IMMP1L: variants seen among roughly 807,000 people sequenced by gnomAD.
IMMP1L encodes inner mitochondrial membrane peptidase subunit 1, also known as mitochondrial inner membrane protease subunit 1.
Under a neutral mutation model 21.8 loss-of-function variants are expected in IMMP1L, and 24 were observed. That is an observed-to-expected ratio of 1.10 (90% CI 0.80 to 1.55). The LOEUF (loss-of-function observed/expected upper bound fraction) is 1.55, where lower values mean the gene tolerates loss of function less well. Among genes scored for constraint, IMMP1L ranks in the 40% most tolerant of loss-of-function variants. IMMP1L has a pLI of 0.00. For missense variants in IMMP1L, 195 were observed against 200.7 expected, an observed-to-expected ratio of 0.97 and a Z score of 0.17; for synonymous variants, 46 against 62.8, an observed-to-expected ratio of 0.73 and a Z score of 1.26.
chr11:31,497,618 C>T (rs753239920), intron 1 of IMMP1L, among the ~76,000 whole-genome samples: 8 of 152,074 alleles, frequency 5.3e-5, no homozygotes, highest in South Asian at 2.1e-4. Flanking sequence ...CGCGCTACCA[C>T]GCCCAGCTAA....
chr11:31,459,129 A>C (rs560345542), intron 3 of IMMP1L, among the ~76,000 whole-genome samples: 1 of 152,320 alleles, frequency 6.6e-6, no homozygotes, highest in Admixed American at 6.5e-5. Context: ...CTGTATCTAC[A>C]ATTAAGTATA....
intron 1 of IMMP1L, among the ~76,000 whole-genome samples, chr11:31,507,885 G>C (rs1955826189): frequency 6.6e-6 from 1 of 152,154 alleles, no homozygotes; most frequent in African/African-American, 2.4e-5. Context: ...TAATTAGCTA[G>C]ATTTAACGAT....
At position 31,456,388 on chromosome 11, in the gene IMMP1L, T is replaced by C. The variant is rs1953938876; in HGVS notation, c.195-2A>G. On this transcript the variant is annotated splice_acceptor_variant, in intron 3 of 5. Transcript: ENST00000532287. LOFTEE classifies it high-confidence loss of function. ...CTTTTTGCAATCACAATGTCACCTC[T>C]GAGGGGGAAAAGTCAAAGAAATGTC... 6.2e-7 allele frequency: 1 copy of C among 1,609,064 alleles called. No individual in the cohort carries two copies. The highest frequency in any genetic ancestry group is 1.7e-4 in the Middle Eastern group (1 of 6,044).
At chr11:31,497,763 C>G (rs757393122) in intron 1 of IMMP1L, among the ~76,000 whole-genome samples, 1 of 152,128 alleles carries the variant, frequency 6.6e-6, no homozygotes, top group Non-Finnish European at 1.5e-5. Flanking sequence ...TACAATATTT[C>G]TTCTTGAATG....
chr11:31,509,054 A>G (rs529426528), intron 1 of IMMP1L, among the ~76,000 whole-genome samples: 1 of 152,372 alleles, frequency 6.6e-6, no homozygotes, highest in South Asian at 2.1e-4. Context: ...TGTCATTTAC[A>G]CCGCTTAGGA....
At chr11:31,453,428 T>C (rs934626008) in intron 4 of IMMP1L, among the ~76,000 whole-genome samples, 1 of 152,222 alleles carries the variant, frequency 6.6e-6, no homozygotes, top group African/African-American at 2.4e-5. Flanking sequence ...TCAATCAAGA[T>C]ATGAATAGCA....
At position 31,509,545 on chromosome 11, in the gene IMMP1L, C is replaced by T. The variant is rs1955928698; in HGVS notation, c.-56G>A. 1.8e-6 allele frequency: 1 copy of T among 568,408 alleles called. No individual in the cohort carries two copies. The allele number at this position is 568,408 out of a possible 1,614,324, so 35.2% of individuals were successfully genotyped here. A position where few individuals can be genotyped will look rare whatever the true frequency, so the allele number is the denominator to read the frequency against. ...TCGGGCCCCAAAGAACCCTGGAGAC[C>T]CTCAACCAGGACACAGGTGGGCCTT... On this transcript the variant is annotated 5_prime_UTR_variant, in exon 1 of 6. Transcript: ENST00000532287.
chr11:31,474,247 C>G (rs1469187368), intron 1 of IMMP1L, among the ~76,000 whole-genome samples: 1 of 152,070 alleles, frequency 6.6e-6, no homozygotes, highest in Non-Finnish European at 1.5e-5. Context: ...CACTTAAGAT[C>G]CTAGGTAGAA....
rs76562535 is a variant in IMMP1L, at chr11:31,481,837, G to A, written c.-29-18532C>T. Reference sequence around the variant, plus strand: ...ATTTTTCCCTCAATTTAAAAAAAAAGGTATATTTAAAATCCTAAGCTTTAA... The same window carrying A: ...ATTTTTCCCTCAATTTAAAAAAAAAAGTATATTTAAAATCCTAAGCTTTAA... On this transcript the variant is annotated intron_variant, in intron 1 of 5. Transcript: ENST00000532287. 1.6e-3 allele frequency among the ~76,000 whole-genome samples: 241 copies of A among 151,810 alleles called. 2 individuals are homozygous for A. In the East Asian group the frequency reaches 0.042, roughly 27 times the overall value.
At chr11:31,477,866 C>G (rs937826307) in intron 1 of IMMP1L, 1 of 152,202 alleles carries the variant, frequency 6.6e-6, no homozygotes, top group African/African-American at 2.4e-5. Context: ...CCCCTATTCC[C>G]TGTCCAATAA....
chr11:31,471,858 G>C (rs1007335236), intron 1 of IMMP1L, among the ~76,000 whole-genome samples: 1 of 152,134 alleles, frequency 6.6e-6, no homozygotes, highest in Non-Finnish European at 1.5e-5. Context: ...CAGTTGATAG[G>C]TCAGAAGTCT....
At chr11:31,469,355 T>TA (rs778679880) in intron 1 of IMMP1L, among the ~76,000 whole-genome samples, 37 of 151,606 alleles carry the variant, frequency 2.4e-4, no homozygotes, top group South Asian at 4.2e-4. Flanking sequence ...TGATTAACAT[T>TA]AAAAAAAACA....
At chr11:31,457,360 C>CGTA (rs1953982172) in intron 3 of IMMP1L, among the ~76,000 whole-genome samples, 1 of 151,980 alleles carries the variant, frequency 6.6e-6, no homozygotes, top group Non-Finnish European at 1.5e-5. Flanking sequence ...AAAGATAGAA[C>CGTA]GTAGGACTAA....
chr11:31,467,316 A>G (rs1477413868), intron 1 of IMMP1L, among the ~76,000 whole-genome samples: 1 of 152,154 alleles, frequency 6.6e-6, no homozygotes, highest in Non-Finnish European at 1.5e-5. Context: ...TGAAAAGGCC[A>G]TTGTAAGAAG....
chr11:31,509,468 A>G (rs538294436), intron 1 of IMMP1L, 51 bp downstream of exon 1: 179 of 400,136 alleles, frequency 4.5e-4, no homozygotes, highest in African/African-American at 3.0e-3. Flanking sequence ...CTTTAACTCA[A>G]TGTGAATGAA....
chr11:31,462,622 C>T (rs1471226243), intron 2 of IMMP1L, among the ~76,000 whole-genome samples: 1 of 152,086 alleles, frequency 6.6e-6, no homozygotes, highest in East Asian at 1.9e-4. Flanking sequence ...AATAATCTGT[C>T]TTAATTACAG....
intron 4 of IMMP1L, among the ~76,000 whole-genome samples, chr11:31,440,837 A>G (rs1953302422): frequency 6.6e-6 from 1 of 152,124 alleles, no homozygotes; most frequent in South Asian, 2.1e-4. Flanking sequence ...CCCTTTCCCT[A>G]TCAAAACTCT....
At position 31,458,122 on chromosome 11, in the gene IMMP1L, G is replaced by A. The variant is rs145826013; in HGVS notation, c.195-1736C>T. Among the ~76,000 whole-genome samples, 513 of 152,030 alleles carry A rather than the reference G, an allele frequency of 3.4e-3. 1 individual carries two copies. Among genetic ancestry groups the A allele is most frequent in the South Asian group, 0.011 (51 of 4,816 alleles). On this transcript the variant is annotated intron_variant, in intron 3 of 5. Transcript: ENST00000532287. ...GACCCTTAAAACAAACTTTGCACTCGAATGGCAACATAGAAATCATAATTC... is the reference window on the plus strand; with the variant it reads ...GACCCTTAAAACAAACTTTGCACTCAAATGGCAACATAGAAATCATAATTC...
chr11:31,458,951 T>C (rs1193746472), intron 3 of IMMP1L, among the ~76,000 whole-genome samples: 3 of 152,210 alleles, frequency 2.0e-5, no homozygotes, highest in African/African-American at 7.2e-5. Context: ...CCAAGGATTA[T>C]TGTGAATAAA....
Sources: allele counts gnomAD v4.1 joint callset (sites outside exome capture counted in the v4.1 genomes callset), GRCh38; gene constraint gnomAD v4.1.1; transcripts MANE v1.5; gene names NCBI Gene and HGNC (gene_info 2026-07-23, HGNC 2026-07-21).